The following NREP variants were observed in gnomAD, a reference collection of about 807,000 sequenced individuals.
NREP encodes the protein neuronal regeneration-related protein.
In NREP, 5 loss-of-function variants were observed where a neutral mutation model predicts 8.6. The ratio of observed to expected loss-of-function variants is 0.58; its 90% CI spans 0.30 to 1.22. NREP has a LOEUF of 1.22. Among genes scored for constraint, NREP ranks in the 50% most tolerant of loss-of-function variants. NREP has a pLI of 0.07. For synonymous variants in NREP, 27 were observed against 28.0 expected (o/e 0.96, Z 0.11); for missense variants, 86 against 82.5 (o/e 1.04, Z -0.17).
chr5:111,975,311 C>T, exon 2 of NREP: 1 of 1,551,584 alleles, frequency 6.4e-7, no homozygotes, highest in South Asian at 1.2e-5. Context: ...AACCTGGAAA[C>T]ATTTGGAACA....
In NREP at chr5:111,808,324, C is replaced by T. The variant is rs559626258; in HGVS notation, c.136-72817G>A. Among the ~76,000 whole-genome samples the T allele has an allele frequency of 9.9e-5, 15 of 152,190 alleles. No individual in the cohort carries two copies. In the East Asian group the frequency reaches 2.9e-3, roughly 29 times the overall value. ...GAGGGGGTGTCTATCTCAGGCAGAA[C>T]TGTATCTCCTGCTTCCAGCAGAATG... is the stretch of plus-strand genomic sequence containing the variant. On this transcript the variant is annotated intron_variant, in intron 2 of 3. Transcript: ENST00000395634.
At position 111,876,048 on chromosome 5, in the gene NREP, G is replaced by A. The variant is rs140635059; in HGVS notation, c.135+99226C>T. Among the ~76,000 whole-genome samples, 927 of 152,286 alleles carry A rather than the reference G, an allele frequency of 6.1e-3. 5 individuals carry two copies. The highest frequency in any genetic ancestry group is 0.027 in the South Asian group (131 of 4,830). Reference sequence around the variant, plus strand: ...GCCTAGGGTGCAAATCTCTGGCAGTGCATACCCCCATCTTTAATTATGCAG... The same window carrying A: ...GCCTAGGGTGCAAATCTCTGGCAGTACATACCCCCATCTTTAATTATGCAG... On this transcript the variant is annotated intron_variant, in intron 2 of 3. Coordinates refer to the NREP transcript ENST00000395634.
intron 2 of NREP, among the ~76,000 whole-genome samples, chr5:111,916,106 G>C (rs1430070719): frequency 6.6e-6 from 1 of 151,996 alleles, no homozygotes; most frequent in Non-Finnish European, 1.5e-5. Context: ...GCAAGCCAAA[G>C]AAGCCCATTT....
At chr5:111,786,846 TACA>T (rs2112889058) in intron 2 of NREP, among the ~76,000 whole-genome samples, 1 of 152,310 alleles carries the variant, frequency 6.6e-6, no homozygotes, top group East Asian at 1.9e-4. Context: ...TGTTTTTCTG[TACA>T]ACAACAGTAA....
In NREP at chr5:111,735,474, G is replaced by C; in HGVS notation, c.37C>G (p.Gln13Glu). 6.2e-7 allele frequency: 1 copy of C among 1,613,100 alleles called. No homozygotes were observed. Among genetic ancestry groups the C allele is most frequent in the East Asian group, 2.2e-5 (1 of 44,834 alleles). The change falls in exon 3 of 4, where the codon CAA becomes GAA. Residue 13 changes from glutamine (Q) to glutamate (E), a missense_variant. Gln to Glu is a conservative substitution (Grantham distance 29, BLOSUM62 2). Coordinates refer to ENST00000257435, the MANE Select transcript of NREP (RefSeq NM_004772.4). ...ATGTCCTTGTTTGGAAATGGTTCTT[G>C]ACTGACCCAGACAAAGAGTTCTGGG... ...YYPELFVWVSQEPFPNKDMEG... is the reference protein window; with the variant it reads ...YYPELFVWVSEEPFPNKDMEG...
chr5:111,767,517 G>A (rs1751113274), intron 2 of NREP, among the ~76,000 whole-genome samples: 2 of 151,984 alleles, frequency 1.3e-5, no homozygotes, highest in African/African-American at 4.8e-5. Context: ...TGAATAGCTG[G>A]GACTATTTTC....
At chr5:111,739,359 G>T (rs1749445217) in intron 2 of NREP, 1 of 152,222 alleles carries the variant, frequency 6.6e-6, no homozygotes, top group Non-Finnish European at 1.5e-5. Flanking sequence ...GCAGGCAAGT[G>T]GCCCTGTAGC....
chr5:111,852,127 T>C (rs1753324985), intron 2 of NREP, among the ~76,000 whole-genome samples: 1 of 152,158 alleles, frequency 6.6e-6, no homozygotes, highest in Non-Finnish European at 1.5e-5. Context: ...CTTTTTGCCT[T>C]TCTATATTCC....
chr5:111,881,235 G>A (rs1163659919), intron 2 of NREP, among the ~76,000 whole-genome samples: 1 of 152,222 alleles, frequency 6.6e-6, no homozygotes, highest in African/African-American at 2.4e-5. Context: ...TAGCACAGCA[G>A]TCTGAGATCA....
intron 2 of NREP, among the ~76,000 whole-genome samples, chr5:111,914,625 T>C (rs1755000752): frequency 6.6e-6 from 1 of 152,114 alleles, no homozygotes; most frequent in Admixed American, 6.6e-5. Flanking sequence ...CTTTTTTCGT[T>C]GTACTCTCCT....
intron 2 of NREP, among the ~76,000 whole-genome samples, chr5:111,848,150 T>A (rs1168648560): frequency 6.6e-6 from 1 of 152,218 alleles, no homozygotes; most frequent in African/African-American, 2.4e-5. Context: ...CAATTTGGTA[T>A]TGTGTCCAAA....
chr5:111,837,444 A>G (rs1289862270), intron 2 of NREP, among the ~76,000 whole-genome samples: 1 of 152,104 alleles, frequency 6.6e-6, no homozygotes, highest in African/African-American at 2.4e-5. Context: ...TATATATGAA[A>G]AAAATCCATG....
chr5:111,928,107 C>T (rs1289000095), intron 2 of NREP, among the ~76,000 whole-genome samples: 1 of 152,140 alleles, frequency 6.6e-6, no homozygotes, highest in South Asian at 2.1e-4. Context: ...CCCACACCTG[C>T]TCCCCGCCAC....
At chr5:111,820,188 A>T (rs190654156) in intron 2 of NREP, among the ~76,000 whole-genome samples, 15 of 152,288 alleles carry the variant, frequency 9.8e-5, no homozygotes, top group Admixed American at 7.9e-4. Context: ...AATCACCAAC[A>T]AACAGCTCAA....
intron 2 of NREP, among the ~76,000 whole-genome samples, chr5:111,891,432 T>C (rs75805677): frequency 0.016 from 2,396 of 152,324 alleles, 56 homozygotes; most frequent in African/African-American, 0.055. Context: ...CTTCTGAGTC[T>C]TGAAAACTCT....
At chr5:111,793,219 G>GAT (rs1377798908) in intron 2 of NREP, among the ~76,000 whole-genome samples, 1 of 152,246 alleles carries the variant, frequency 6.6e-6, no homozygotes, top group African/African-American at 2.4e-5. Flanking sequence ...GAACCAATAG[G>GAT]ATATATATAG....
intron 2 of NREP, among the ~76,000 whole-genome samples, chr5:111,847,889 A>T (rs1753220562): frequency 6.6e-6 from 1 of 152,216 alleles, no homozygotes; most frequent in Non-Finnish European, 1.5e-5. Context: ...GAAATGGTAC[A>T]TGTCTTCTTT....
intron 2 of NREP, among the ~76,000 whole-genome samples, chr5:111,927,630 A>G (rs1444201162): frequency 1.3e-5 from 2 of 152,190 alleles, no homozygotes; most frequent in Non-Finnish European, 2.9e-5. Flanking sequence ...AGATTTACTG[A>G]GCACAAGATG....
intron 2 of NREP, among the ~76,000 whole-genome samples, chr5:111,799,571 A>C (rs1751953831): frequency 6.6e-6 from 1 of 152,194 alleles, no homozygotes. Context: ...TCTACTGCCA[A>C]AATTTCCTAT....
Sources: allele counts gnomAD v4.1 joint callset (sites outside exome capture counted in the v4.1 genomes callset), GRCh38; gene constraint gnomAD v4.1.1; transcripts MANE v1.5; gene names NCBI Gene and HGNC (gene_info 2026-07-23, HGNC 2026-07-21).